Variants in OGFR observed in about 807,000 individuals in gnomAD.
OGFR encodes protein 7-60.
A neutral mutation model predicts 33.6 loss-of-function variants in OGFR; 18 were observed. The ratio of observed to expected loss-of-function variants is 0.54; its 90% CI spans 0.37 to 0.80. The LOEUF (loss-of-function observed/expected upper bound fraction) is 0.80, where lower values mean the gene tolerates loss of function less well. Ranked by LOEUF, OGFR falls within the 30% of genes least tolerant of loss-of-function variation. The pLI is 0.00. For synonymous variants in OGFR, 370 were observed against 400.7 expected (o/e 0.92, Z 0.91); for missense variants, 877 against 955.8 (o/e 0.92, Z 1.09).
chr20:62,808,205 T>G (rs1353887035), intron 2 of OGFR, 42 bp from the exon 3 acceptor site: 1 of 1,489,040 alleles, frequency 6.7e-7, no homozygotes, highest in Admixed American at 1.7e-5. Flanking sequence ...GGGCAGCTTG[T>G]GTCTGATGGA....
rs1342839733 is a variant in OGFR, at chr20:62,811,590, G to A, written c.594G>A (p.Lys198=). The A allele has an allele frequency of 1.9e-5, 31 of 1,593,790 alleles. No individual in the cohort carries two copies. The highest frequency in any genetic ancestry group is 2.6e-5 in the Non-Finnish European group (30 of 1,171,102). ...TGGGCCGAGCACAGAACTACCAGAA[G>A]CGCTTCCAGAACCTGAACTGGTGAG... The part of the protein sequence containing the change: ...GTVGRAQNYQ[K]RFQNLNWRSH... Residue 198 remains lysine (K), a synonymous_variant, in exon 6 of 7, where the codon AAG becomes AAA. Coordinates refer to ENST00000290291, the MANE Select transcript of OGFR (RefSeq NM_007346.4).
In OGFR at chr20:62,813,898, C is replaced by A; in HGVS notation, c.*249C>A. 1.7e-6 allele frequency: 1 copy of A among 586,134 alleles called. No individual in the cohort carries two copies. Among genetic ancestry groups the A allele is most frequent in the Non-Finnish European group, 3.0e-6 (1 of 330,594 alleles). The allele number at this position is 586,134 out of a possible 1,614,324, so 36.3% of individuals were successfully genotyped here. On this transcript the variant is annotated 3_prime_UTR_variant, in exon 7 of 7. Coordinates refer to ENST00000290291, the MANE Select transcript of OGFR (RefSeq NM_007346.4). ...ACCCAGCTCTCCCCTGCGCCCCTGT[C>A]TTTGTAAATTGACCCTTCTGGAGTG...
chr20:62,811,731 C>T, intron 6 of OGFR, 121 bp downstream of exon 6: 1 of 1,155,688 alleles, frequency 8.7e-7, no homozygotes. Context: ...GGGCAATGGA[C>T]CAAGGCCCTG....
At chr20:62,805,657 G>C (rs1323913392) in intron 1 of OGFR, 1 of 152,330 alleles carries the variant, frequency 6.6e-6, no homozygotes, top group African/African-American at 2.4e-5. Context: ...GGTTGCGGAG[G>C]GCCGGGAAGT....
chr20:62,805,029 A>G lies in OGFR; in HGVS notation c.170A>G (p.Gln57Arg). 1 of 1,386,158 alleles carries G rather than the reference A, an allele frequency of 7.2e-7. No homozygotes were observed. The highest frequency in any genetic ancestry group is 9.3e-7 in the Non-Finnish European group (1 of 1,075,184). The allele number at this position is 1,386,158 out of a possible 1,614,324, so 85.9% of individuals were successfully genotyped here. A position where few individuals can be genotyped will look rare whatever the true frequency, so the allele number is the denominator to read the frequency against. ...EPRAARPSSF[Q>R]SRMTGSRNWR... Reference sequence around the variant, plus strand: ...CGGGCGGCGCGGCCCAGCTCGTTCCAGGTGCGGCCCCGCGGCGCGGAAGAG... The same window carrying G: ...CGGGCGGCGCGGCCCAGCTCGTTCCGGGTGCGGCCCCGCGGCGCGGAAGAG... The change falls in exon 1 of 7, where the codon CAG becomes CGG. Residue 57 changes from glutamine to arginine, a missense_variant and splice_region_variant. Gln to Arg is a conservative substitution (Grantham distance 43). Coordinates refer to ENST00000290291, the MANE Select transcript of OGFR (RefSeq NM_007346.4).
chr20:62,809,927 AG>A, intron 4 of OGFR, among the ~76,000 whole-genome samples: 1 of 152,142 alleles, frequency 6.6e-6, no homozygotes, highest in East Asian at 1.9e-4. Context: ...GAAACAGGAG[AG>A]GGGGCAGGCA....
chr20:62,808,017 ACCTGCCAGGC>A (rs1990636189), intron 2 of OGFR: 1 of 615,330 alleles, frequency 1.6e-6, no homozygotes, highest in African/African-American at 1.9e-5. Flanking sequence ...TGAGGAGGGG[ACCTGCCAGGC>A]CTGGCCTGGC....
At position 62,809,596 on chromosome 20, in the gene OGFR, G is replaced by A. The variant is rs1990677948; in HGVS notation, c.331G>A (p.Glu111Lys). 1 of 1,608,010 alleles carries A rather than the reference G, an allele frequency of 6.2e-7. No homozygotes were observed. Among genetic ancestry groups the A allele is most frequent in the Non-Finnish European group, 8.5e-7 (1 of 1,177,244 alleles). Residue 111 changes from glutamate to lysine, a missense_variant, in exon 4 of 7, where the codon GAG becomes AAG. By Grantham distance (56) the Glu-to-Lys change is moderately conservative. Coordinates refer to ENST00000290291, the MANE Select transcript of OGFR (RefSeq NM_007346.4). Reference sequence around the variant, plus strand: ...CATGGGGCTCCCAGGCTGTTTCATTGAGGACATTCTTCAGAACTGGACGGA... The same window carrying A: ...CATGGGGCTCCCAGGCTGTTTCATTAAGGACATTCTTCAGAACTGGACGGA... ...IRFLPNGCFIEDILQNWTDNY... is the reference protein window; with the variant it reads ...IRFLPNGCFIKDILQNWTDNY...
Position 62,812,987 on chromosome 20 carries a change from C to G in OGFR, c.1372C>G (p.Arg458Gly). Residue 458 changes from arginine (R) to glycine (G), a missense_variant, in exon 7 of 7, where the codon CGG (arginine) becomes GGG (glycine). By Grantham distance (125) the Arg-to-Gly change is moderately radical. Coordinates refer to ENST00000290291, the MANE Select transcript of OGFR (RefSeq NM_007346.4). ...GARVADKVRK[R>G]RKVDEGAGDS... is the part of the protein sequence containing the mutation. ...CAGGGTGGCCGACAAGGTGAGGAAG[C>G]GGAGGAAGGTGGATGAGGGTGCTGG... 1 of 1,611,730 alleles carries G rather than the reference C, an allele frequency of 6.2e-7. No individual in the cohort carries two copies. Among genetic ancestry groups the G allele is most frequent in the Non-Finnish European group, 8.5e-7 (1 of 1,179,492 alleles).
chr20:62,812,513 C>T lies in OGFR; in HGVS notation c.898C>T (p.Leu300=). 1.3e-6 allele frequency: 2 copies of T among 1,585,114 alleles called. No homozygotes were observed. Among genetic ancestry groups the T allele is most frequent in the Non-Finnish European group, 8.6e-7 (1 of 1,166,428 alleles). ...GCTGCGGAGGTTCAAGCCCAGCTCT[C>T]TGCCCCATCCGCTCGAGGGCTCCAG... ...DKLRRFKPSS[L]PHPLEGSRKV... is the part of the protein sequence containing the mutation. The change falls in exon 7 of 7, where the codon CTG becomes TTG. Residue 300 remains leucine, a synonymous_variant. Coordinates refer to ENST00000290291, the MANE Select transcript of OGFR (RefSeq NM_007346.4).
intron 3 of OGFR, 99 bp downstream of exon 3, chr20:62,808,424 G>A: frequency 1.1e-6 from 1 of 871,006 alleles, no homozygotes; most frequent in Non-Finnish European, 1.9e-6. Flanking sequence ...CGATTACCAG[G>A]GCCACGGCTT....
Position 62,812,816 on chromosome 20 carries a change from C to A in OGFR, c.1201C>A (p.Pro401Thr). ...RREQPPTEPG[P>T]QSASEVEKIA... ...GGAGCAGCCGCCCACAGAGCCAGGC[C>A]CTCAGAGTGCCTCAGAGGTGGAGAA... Residue 401 changes from proline to threonine, a missense_variant, in exon 7 of 7, where the codon CCT (proline) becomes ACT (threonine). This residue lies in a region of OGFR where 760 missense variants were observed against 736.0 expected (regional missense o/e 1.03). Transcript: ENST00000290291. The A allele has an allele frequency of 6.2e-7, 1 of 1,612,674 alleles. No homozygotes were observed. The highest frequency in any genetic ancestry group is 1.1e-5 in the South Asian group (1 of 91,088).
Position 62,812,374 on chromosome 20 carries a change from C to T in OGFR, c.759C>T (p.Ala253=). The T allele has an allele frequency of 6.4e-7, 1 of 1,571,310 alleles. No homozygotes were observed. Among genetic ancestry groups the T allele is most frequent in the Non-Finnish European group, 8.6e-7 (1 of 1,159,520 alleles). ...RRELPGVRQS[A]LDYFMFAVRC... is the part of the protein sequence containing the mutation. ...AGCTGCCGGGGGTGCGGCAGAGTGCCCTGGACTACTTCATGTTCGCCGTGC... is the reference window on the plus strand; with the variant it reads ...AGCTGCCGGGGGTGCGGCAGAGTGCTCTGGACTACTTCATGTTCGCCGTGC... The change falls in exon 7 of 7, where the codon GCC becomes GCT. Residue 253 remains alanine (A), a synonymous_variant. Transcript: ENST00000290291.
chr20:62,809,730 G>A (rs1420482417), intron 4 of OGFR, 67 bp downstream of exon 4: 2 of 1,268,346 alleles, frequency 1.6e-6, no homozygotes, highest in African/African-American at 1.5e-5. Flanking sequence ...TCCCAGGCAG[G>A]AGCCCTCCCG....
intron 1 of OGFR, chr20:62,805,960 CT>C (rs1041219182): frequency 6.5e-6 from 1 of 152,922 alleles, no homozygotes; most frequent in Non-Finnish European, 1.5e-5. Flanking sequence ...CCCGTGACCC[CT>C]GACCTCTTCC....
intron 1 of OGFR, 127 bp downstream of exon 1, chr20:62,805,157 ACC>A: frequency 6.7e-6 from 4 of 596,966 alleles, no homozygotes; most frequent in South Asian, 7.0e-5. Context: ...AGCCCCGGGG[ACC>A]CCCCCCCAGA....
chr20:62,808,803 C>A (rs1990655112), intron 3 of OGFR, among the ~76,000 whole-genome samples: 1 of 151,898 alleles, frequency 6.6e-6, no homozygotes, highest in Non-Finnish European at 1.5e-5. Flanking sequence ...GAAACCCTGT[C>A]TCTACTAAAA....
At chr20:62,809,688 G>A (rs560821041) in intron 4 of OGFR, 25 bp downstream of exon 4, 1 of 1,539,992 alleles carries the variant, frequency 6.5e-7, no homozygotes, top group South Asian at 1.1e-5. Context: ...ATGGGGGGAT[G>A]GGGGGTTGGC....
intron 1 of OGFR, 135 bp downstream of exon 1, chr20:62,805,165 C>CCG (rs1990557188): frequency 3.3e-6 from 2 of 602,770 alleles, no homozygotes; most frequent in African/African-American, 3.9e-5. Flanking sequence ...GGACCCCCCC[C>CCG]CAGACCGGCC....
Sources: allele counts gnomAD v4.1 joint callset (sites outside exome capture counted in the v4.1 genomes callset), GRCh38; gene constraint gnomAD v4.1.1; regional missense constraint gnomAD v4.1.1; transcripts MANE v1.5; gene names NCBI Gene and HGNC (gene_info 2026-07-23, HGNC 2026-07-21).